SASH1: variants seen among roughly 807,000 people sequenced by gnomAD.
SASH1 encodes the protein SAM and SH3 domain-containing protein 1.
In SASH1, 44 loss-of-function variants were observed where a neutral mutation model predicts 125.2. The ratio of observed to expected loss-of-function variants is 0.35; its 90% CI spans 0.28 to 0.45. The LOEUF (loss-of-function observed/expected upper bound fraction) is 0.45, where lower values mean the gene tolerates loss of function less well. SASH1 is among the 20% of genes least tolerant of loss of function. SASH1 has a pLI of 1.00. For synonymous variants in SASH1, 639 were observed against 649.1 expected, an observed-to-expected ratio of 0.98 and a Z score of 0.24; for missense variants, 1,426 against 1,614.5, an observed-to-expected ratio of 0.88 and a Z score of 2.00.
the SASH1 span, among the ~76,000 whole-genome samples, chr6:148,261,092 A>T: frequency 6.6e-6 from 1 of 152,196 alleles, no homozygotes; most frequent in Admixed American, 6.5e-5. Context: ...GGCGTGAGCC[A>T]CTGCGCCCGG....
At chr6:148,320,476 A>G (rs1291386232) in intron 1 of SASH1, among the ~76,000 whole-genome samples, 1 of 152,216 alleles carries the variant, frequency 6.6e-6, no homozygotes, top group East Asian at 1.9e-4. Context: ...CAGGCTTTGG[A>G]ATCATCTACT....
chr6:148,373,449 G>A (rs1193596248), intron 1 of SASH1, among the ~76,000 whole-genome samples: 1 of 152,126 alleles, frequency 6.6e-6, no homozygotes, highest in Non-Finnish European at 1.5e-5. Context: ...GGCACACATT[G>A]AAGCAGGAAA....
chr6:148,527,065 G>C (rs1781219395), intron 11 of SASH1, among the ~76,000 whole-genome samples: 1 of 151,644 alleles, frequency 6.6e-6, no homozygotes, highest in African/African-American at 2.4e-5. Flanking sequence ...GTAGAGACGG[G>C]GTTTCACCGT....
intron 7 of SASH1, among the ~76,000 whole-genome samples, chr6:148,477,147 G>A (rs74934822): frequency 0.01 from 1,524 of 152,250 alleles, 32 homozygotes; most frequent in African/African-American, 0.035. Flanking sequence ...CCAGGACACC[G>A]GACTGGGCAA....
At chr6:148,235,735 T>C in the SASH1 span, among the ~76,000 whole-genome samples, 1 of 152,296 alleles carries the variant, frequency 6.6e-6, no homozygotes, top group Non-Finnish European at 1.5e-5. Flanking sequence ...TGCAAAGAGT[T>C]GGAGAAGTCT....
chr6:148,282,475 G>A lies in SASH1; in HGVS notation n.74+10098G>A, dbSNP rs185807479. ...TGGCTCACTGCAACCTCTGCCTCCCGGGTTCAAGCGATTCTCCTGCCTCAG... is the reference window on the plus strand; with the variant it reads ...TGGCTCACTGCAACCTCTGCCTCCCAGGTTCAAGCGATTCTCCTGCCTCAG... On this transcript the variant is annotated intron_variant and non_coding_transcript_variant, in intron 1 of 3. Coordinates refer to the SASH1 transcript ENST00000367469. Among the ~76,000 whole-genome samples the A allele has an allele frequency of 1.4e-3, 217 of 151,760 alleles. 1 individual carries two copies. The highest frequency in any genetic ancestry group is 5.0e-3 in the African/African-American group (209 of 41,398).
chr6:148,394,706 G>A (rs191439702), intron 2 of SASH1, among the ~76,000 whole-genome samples: 28 of 151,952 alleles, frequency 1.8e-4, no homozygotes, highest in South Asian at 6.2e-4. Context: ...GTGCATTGGC[G>A]CAATCTCAGC....
At chr6:148,405,045 G>A (rs993259590) in intron 2 of SASH1, among the ~76,000 whole-genome samples, 2 of 151,904 alleles carry the variant, frequency 1.3e-5, no homozygotes, top group African/African-American at 2.4e-5. Flanking sequence ...CTCACAGGGC[G>A]GCTTGACTGA....
At chr6:148,477,692 ATTTTTTTT>A (rs71004300) in intron 7 of SASH1, among the ~76,000 whole-genome samples, 2 of 95,874 alleles carry the variant, frequency 2.1e-5, no homozygotes, top group African/African-American at 9.5e-5. Context: ...CACCTGGCTA[ATTTTTTTT>A]TTTTTTTTTT....
chr6:148,536,409 G>T (rs1301639977), intron 16 of SASH1, among the ~76,000 whole-genome samples: 1 of 152,156 alleles, frequency 6.6e-6, no homozygotes, highest in Non-Finnish European at 1.5e-5. Flanking sequence ...GTGCGATCTT[G>T]GTTCACCGCA....
chr6:148,395,191 A>C (rs1783899257), intron 2 of SASH1, among the ~76,000 whole-genome samples: 1 of 152,204 alleles, frequency 6.6e-6, no homozygotes, highest in Non-Finnish European at 1.5e-5. Context: ...GTTTCATTCT[A>C]AATCTTCTGG....
chr6:148,388,026 C>T (rs1783547350), intron 1 of SASH1, among the ~76,000 whole-genome samples: 2 of 149,062 alleles, frequency 1.3e-5, no homozygotes, highest in Non-Finnish European at 3.0e-5. Context: ...AGTGATTCTC[C>T]TGCCTCAGCC....
At chr6:148,477,363 T>C (rs1003186304) in intron 7 of SASH1, among the ~76,000 whole-genome samples, 7 of 151,946 alleles carry the variant, frequency 4.6e-5, no homozygotes, top group African/African-American at 1.7e-4. Context: ...AACAACTCAA[T>C]AGGAAAAAAA....
rs566126686 is a variant in SASH1, at chr6:148,365,039, C to T, written c.156+21816C>T. Among the ~76,000 whole-genome samples the T allele has an allele frequency of 2.0e-5, 3 of 152,028 alleles. No individual in the cohort carries two copies. In the East Asian group the frequency reaches 5.8e-4, roughly 29 times the overall value. ...TTGAGAGGCTGAGGCAGGAGAATCACTTGAACCTGAGAGGCGGAGGTTGCA... is the reference window on the plus strand; with the variant it reads ...TTGAGAGGCTGAGGCAGGAGAATCATTTGAACCTGAGAGGCGGAGGTTGCA... On this transcript the variant is annotated intron_variant, in intron 1 of 19. Transcript: ENST00000367467.
the SASH1 span, among the ~76,000 whole-genome samples, chr6:148,254,397 A>C: frequency 1.3e-5 from 2 of 152,320 alleles, no homozygotes; most frequent in East Asian, 3.9e-4. Flanking sequence ...GCTGCTTGGG[A>C]GGCTGAGGCA....
intron 1 of SASH1, among the ~76,000 whole-genome samples, chr6:148,278,338 G>A (rs1434812483): frequency 6.6e-6 from 1 of 152,082 alleles, no homozygotes; most frequent in East Asian, 1.9e-4. Context: ...CACCCGGCCG[G>A]GAGAGGCTTA....
chr6:148,285,371 G>C (rs991315243), intron 1 of SASH1, among the ~76,000 whole-genome samples: 1 of 152,202 alleles, frequency 6.6e-6, no homozygotes, highest in African/African-American at 2.4e-5. Flanking sequence ...TGCTATGGTT[G>C]TGGCGTGTGT....
intron 4 of SASH1, among the ~76,000 whole-genome samples, chr6:148,441,474 C>G (rs1196106080): frequency 6.6e-6 from 1 of 152,188 alleles, no homozygotes; most frequent in Non-Finnish European, 1.5e-5. Context: ...ACTGTGCACA[C>G]CCCATCAGCT....
chr6:148,461,939 T>C (rs1415709010), intron 4 of SASH1, among the ~76,000 whole-genome samples: 1 of 152,198 alleles, frequency 6.6e-6, no homozygotes, highest in Non-Finnish European at 1.5e-5. Flanking sequence ...AATGAAAATC[T>C]TAACTACTTC....
Sources: allele counts gnomAD v4.1 joint callset (sites outside exome capture counted in the v4.1 genomes callset), GRCh38; gene constraint gnomAD v4.1.1; transcripts MANE v1.5; gene names NCBI Gene and HGNC (gene_info 2026-07-23, HGNC 2026-07-21).